The following HYDIN variants were observed in gnomAD, a reference collection of about 807,000 sequenced individuals.
HYDIN encodes axonemal central pair apparatus protein HYDIN.
In HYDIN, 132 loss-of-function variants were observed where a neutral mutation model predicts 403.9. The observed-to-expected ratio is 0.33, with a 90% CI of 0.28 to 0.38. The LOEUF (loss-of-function observed/expected upper bound fraction) is 0.38, where lower values mean the gene tolerates loss of function less well. Ranked by LOEUF, HYDIN falls within the 10% of genes least tolerant of loss-of-function variation. HYDIN has a pLI of 1.00. For missense variants in HYDIN, 2,827 were observed against 5,009.5 expected (o/e 0.56, Z 13.15); for synonymous variants, 1,202 against 1,891.7 (o/e 0.64, Z 9.46).
At chr16:70,843,054 T>A (rs1034720653) in intron 75 of HYDIN, among the ~76,000 whole-genome samples, 19 of 151,810 alleles carry the variant, frequency 1.3e-4, no homozygotes, top group Admixed American at 8.5e-4. Context: ...TTCTTTTTTT[T>A]ATTATACTTT....
At chr16:70,872,004 G>C (rs375655236) in intron 65 of HYDIN, 33 bp downstream of exon 65, 7 of 1,608,840 alleles carry the variant, frequency 4.4e-6, no homozygotes, top group Admixed American at 1.7e-5. Context: ...AGGACTAAGG[G>C]ATTCCAAAAA....
At chr16:70,856,713 G>C (rs2039047993) in intron 72 of HYDIN, among the ~76,000 whole-genome samples, 1 of 152,150 alleles carries the variant, frequency 6.6e-6, no homozygotes, top group African/African-American at 2.4e-5. Context: ...TCTCACTGTT[G>C]TTATTCTTAT....
intron 18 of HYDIN, among the ~76,000 whole-genome samples, chr16:71,051,670 A>AAAC (rs2081653607): frequency 8.8e-6 from 1 of 113,820 alleles, no homozygotes; most frequent in African/African-American, 3.2e-5. Flanking sequence ...CAAAAAAAAC[A>AAAC]AAAAAAAGAA....
chr16:70,904,530 C>T (rs186517490), intron 50 of HYDIN, among the ~76,000 whole-genome samples: 2,962 of 20,412 alleles, frequency 0.15, 31 homozygotes, highest in Non-Finnish European at 0.21. Context: ...GAGGGAGTTT[C>T]GTTCTTGTTG....
At chr16:71,012,789 T>C (rs200484715) in intron 23 of HYDIN, among the ~76,000 whole-genome samples, 39 of 151,966 alleles carry the variant, frequency 2.6e-4, no homozygotes, top group Admixed American at 1.6e-3. Context: ...GCCACTTTTA[T>C]GTGGTTTATG....
At chr16:70,976,577 C>A (rs1414121078) in intron 30 of HYDIN, among the ~76,000 whole-genome samples, 2 of 150,434 alleles carry the variant, frequency 1.3e-5, no homozygotes, top group Admixed American at 1.3e-4. Flanking sequence ...GTGGCTTGTA[C>A]AAATGTCAAT....
At chr16:70,836,426 G>T (rs1486377996) in intron 77 of HYDIN, among the ~76,000 whole-genome samples, 1 of 152,240 alleles carries the variant, frequency 6.6e-6, no homozygotes, top group African/African-American at 2.4e-5. Context: ...TGGAGTGTTT[G>T]TGAGAGAGCT....
At chr16:71,182,723 GATATAA>G (rs1391418268) in intron 3 of HYDIN, among the ~76,000 whole-genome samples, 3 of 152,094 alleles carry the variant, frequency 2.0e-5, no homozygotes, top group Admixed American at 6.6e-5. Context: ...AGTGGCAGGA[GATATAA>G]ATATAAAAGT....
At chr16:70,892,603 A>T (rs965919162) in intron 55 of HYDIN, 74 bp from the exon 56 acceptor site, 6 of 1,519,618 alleles carry the variant, frequency 3.9e-6, no homozygotes, top group Admixed American at 4.2e-5. Flanking sequence ...GAGACTCTAG[A>T]TGGTTGAGTG....
chr16:71,228,024 C>G (rs1438759886), intron 1 of HYDIN, among the ~76,000 whole-genome samples: 1 of 151,874 alleles, frequency 6.6e-6, no homozygotes, highest in Non-Finnish European at 1.5e-5. Flanking sequence ...ACAACCATCT[C>G]ATCTTTGACA....
At chr16:71,040,139 A>G (rs566118922) in intron 18 of HYDIN, among the ~76,000 whole-genome samples, 108 of 152,160 alleles carry the variant, frequency 7.1e-4, no homozygotes, top group African/African-American at 2.0e-3. Context: ...GGTGGAGTGC[A>G]GCAGGTCCCA....
intron 28 of HYDIN, 27 bp downstream of exon 28, chr16:70,985,158 T>C: frequency 5.6e-6 from 9 of 1,611,504 alleles, no homozygotes; most frequent in East Asian, 2.2e-5. Flanking sequence ...TAGGTTTGAA[T>C]TCGGGCCCCT....
intron 18 of HYDIN, among the ~76,000 whole-genome samples, chr16:71,060,021 G>A (rs2082028706): frequency 2.0e-5 from 3 of 152,046 alleles, no homozygotes; most frequent in Admixed American, 1.3e-4. Flanking sequence ...AAGGAAGAGA[G>A]GAAAAAAATA....
At chr16:70,885,730 G>A (rs1440136404) in intron 58 of HYDIN, among the ~76,000 whole-genome samples, 4 of 151,740 alleles carry the variant, frequency 2.6e-5, no homozygotes, top group Non-Finnish European at 2.9e-5. Context: ...AGATATGGTA[G>A]GCAAAGAAGG....
At chr16:71,218,598 C>T (rs190806548) in intron 1 of HYDIN, among the ~76,000 whole-genome samples, 47 of 152,268 alleles carry the variant, frequency 3.1e-4, no homozygotes, top group Middle Eastern at 3.4e-3. Context: ...AATTCCCTAC[C>T]ACTAACAGTT....
chr16:71,165,537 TC>T (rs2086184430), intron 5 of HYDIN, among the ~76,000 whole-genome samples: 1 of 150,718 alleles, frequency 6.6e-6, no homozygotes, highest in African/African-American at 2.5e-5. Context: ...CCCCCGTATT[TC>T]CATGTCAAGA....
intron 9 of HYDIN, among the ~76,000 whole-genome samples, chr16:71,116,021 A>T (rs1459363054): frequency 6.6e-6 from 1 of 152,078 alleles, no homozygotes; most frequent in Non-Finnish European, 1.5e-5. Context: ...GCGTGGTGAG[A>T]GGACCTGGTC....
chr16:70,992,298 C>T, intron 23 of HYDIN, 88 bp from the exon 24 acceptor site: 4 of 1,480,662 alleles, frequency 2.7e-6, no homozygotes, highest in South Asian at 2.9e-5. Flanking sequence ...GTTTCTAAGG[C>T]CAAACTCCAA....
intron 13 of HYDIN, among the ~76,000 whole-genome samples, chr16:71,071,157 A>T (rs1512607): frequency 5.1e-5 from 7 of 138,378 alleles, no homozygotes; most frequent in African/African-American, 1.9e-4. Context: ...CGTATTATGG[A>T]AAGTGGGTAT....
Sources: allele counts gnomAD v4.1 joint callset (sites outside exome capture counted in the v4.1 genomes callset), GRCh38; gene constraint gnomAD v4.1.1; transcripts MANE v1.5; gene names NCBI Gene and HGNC (gene_info 2026-07-23, HGNC 2026-07-21).